The following CTNND1 variants were observed in gnomAD, a reference collection of about 807,000 sequenced individuals.
CTNND1 encodes the protein catenin delta 1.
In CTNND1, 16 loss-of-function variants were observed where a neutral mutation model predicts 112.1. That is an observed-to-expected ratio of 0.14 (90% CI 0.10 to 0.22). The LOEUF is 0.22. Ranked by LOEUF, CTNND1 falls within the 10% of genes least tolerant of loss-of-function variation. The pLI is 1.00. For synonymous variants in CTNND1, 420 were observed against 446.5 expected, an observed-to-expected ratio of 0.94 and a Z score of 0.75; for missense variants, 1,008 against 1,257.0, an observed-to-expected ratio of 0.80 and a Z score of 3.00.
Position 57,815,519 on chromosome 11 carries a change from C to T in CTNND1, c.2808+19C>T, listed in dbSNP as rs372765319. ...CTTGATGGTAAATTCTCTTTATATA[C>T]TGCTATCTGTCTAAGGCTAGTTCTA... is the stretch of plus-strand genomic sequence containing the variant. On this transcript the variant is annotated intron_variant, in intron 19 of 20. Transcript: ENST00000399050. The T allele has an allele frequency of 9.4e-5, 145 of 1,539,278 alleles. No homozygotes were observed. The highest frequency in any genetic ancestry group is 1.2e-4 in the Non-Finnish European group (135 of 1,113,214).
At chr11:57,803,144 G>A (rs2062207664) in intron 7 of CTNND1, among the ~76,000 whole-genome samples, 1 of 152,198 alleles carries the variant, frequency 6.6e-6, no homozygotes, top group Non-Finnish European at 1.5e-5. Flanking sequence ...GTCTCGCTCT[G>A]TCACCCAGGC....
Position 57,788,181 on chromosome 11 carries a change from G to C in CTNND1, c.-213-856G>C, listed in dbSNP as rs1352781168. 6.6e-6 allele frequency among the ~76,000 whole-genome samples: 1 copy of C among 152,148 alleles called. No homozygotes were observed. Among genetic ancestry groups the C allele is most frequent in the Non-Finnish European group, 1.5e-5 (1 of 68,030 alleles). Reference sequence around the variant, plus strand: ...AGGTCATTGTACATAGTGGATAAGGGCAAGTACTTAAGAAATGGAGATGAA... The same window carrying C: ...AGGTCATTGTACATAGTGGATAAGGCCAAGTACTTAAGAAATGGAGATGAA... On this transcript the variant is annotated intron_variant, in intron 1 of 20. Coordinates refer to ENST00000399050, the MANE Select transcript of CTNND1 (RefSeq NM_001085458.2). This position sits in a 1 kb window ranked among gnomAD's most constrained non-coding sequence, Gnocchi z 4.1.
chr11:57,811,881 C>G (rs564576872), intron 17 of CTNND1, among the ~76,000 whole-genome samples: 1 of 152,104 alleles, frequency 6.6e-6, no homozygotes, highest in Non-Finnish European at 1.5e-5. Flanking sequence ...GAGAAAACCA[C>G]TTGTATCTTT....
rs1371694496 is a variant in CTNND1, at chr11:57,788,538, C to T, written c.-213-499C>T. On this transcript the variant is annotated intron_variant, in intron 1 of 20. Coordinates refer to ENST00000399050, the MANE Select transcript of CTNND1 (RefSeq NM_001085458.2). The surrounding 1 kb of genome is among the most constrained non-coding windows in gnomAD (Gnocchi z 4.1). Reference sequence around the variant, plus strand: ...TTGTGCTTGGTGGGGCTCTGGGGAGCGTGGGAAAGGGAACTGAAGCAAAAG... The same window carrying T: ...TTGTGCTTGGTGGGGCTCTGGGGAGTGTGGGAAAGGGAACTGAAGCAAAAG... Among the ~76,000 whole-genome samples, 2 of 152,102 alleles carry T rather than the reference C, an allele frequency of 1.3e-5. No individual in the cohort carries two copies. The highest frequency in any genetic ancestry group is 3.9e-4 in the East Asian group (2 of 5,186).
Position 57,793,992 on chromosome 11 carries a change from T to C in CTNND1, c.196-18T>C, listed in dbSNP as rs2061060742. On this transcript the variant is annotated intron_variant, in intron 3 of 20. Coordinates refer to ENST00000399050, the MANE Select transcript of CTNND1 (RefSeq NM_001085458.2). ...GAAGGCCACAAAATGAATTGTCTTC[T>C]TGTGGGCTGTGTTTCAGAACGGCCG... 1 of 1,613,862 alleles carries C rather than the reference T, an allele frequency of 6.2e-7. No homozygotes were observed. The highest frequency in any genetic ancestry group is 8.5e-7 in the Non-Finnish European group (1 of 1,179,738).
Position 57,803,561 on chromosome 11 carries a change from C to A in CTNND1, c.1421-60C>A, listed in dbSNP as rs553999981. On this transcript the variant is annotated intron_variant, in intron 7 of 20. Coordinates refer to ENST00000399050, the MANE Select transcript of CTNND1 (RefSeq NM_001085458.2). ...GATACGATAGGGGGATTCTCTTTGA[C>A]GTTCTTCAGACATATTGTCTTGAAT... 1.7e-3 allele frequency: 2,224 copies of A among 1,321,384 alleles called. 3 individuals carry two copies. The highest frequency in any genetic ancestry group is 2.1e-3 in the Non-Finnish European group (2,049 of 957,530). The allele number at this position is 1,321,384 out of a possible 1,614,324, so 81.9% of individuals were successfully genotyped here. A position where few individuals can be genotyped will look rare whatever the true frequency, so the allele number is the denominator to read the frequency against.
At chr11:57,799,383 T>G (rs1380033188) in intron 6 of CTNND1, among the ~76,000 whole-genome samples, 1 of 152,220 alleles carries the variant, frequency 6.6e-6, no homozygotes, top group Non-Finnish European at 1.5e-5. Context: ...TCCCTAGTTG[T>G]GCTAGTTCAC....
intron 9 of CTNND1, among the ~76,000 whole-genome samples, chr11:57,805,526 A>G (rs1198584881): frequency 6.9e-6 from 1 of 144,248 alleles, no homozygotes; most frequent in Non-Finnish European, 1.5e-5. Context: ...TACAGGTGTG[A>G]GCCACTGTGC....
At chr11:57,774,761 T>A (rs1160090553) in intron 1 of CTNND1, among the ~76,000 whole-genome samples, 2 of 152,146 alleles carry the variant, frequency 1.3e-5, no homozygotes, top group African/African-American at 4.8e-5. Context: ...TTGCCTAGGC[T>A]GGAGTGCAGT....
rs2060721218 is a variant in CTNND1, at chr11:57,791,360, C to CTT, written c.-94-25_-94-24insTT. ...TTCTCTGACCTGTGACCTTTTCTCT[C>CTT]CTTTCTCTTACCCTTTCCCGGTAGT... is the stretch of plus-strand genomic sequence containing the variant. On this transcript the variant is annotated intron_variant, in intron 2 of 20. Transcript: ENST00000399050. 4.5e-6 allele frequency: 6 copies of CTT among 1,343,058 alleles called. No individual in the cohort carries two copies. In the East Asian group the frequency reaches 1.8e-4, roughly 41 times the overall value. 83.2% of individuals were successfully genotyped at this position (1,343,058 alleles called of 1,614,324 possible). A position where few individuals can be genotyped will look rare whatever the true frequency, so the allele number is the denominator to read the frequency against.
At chr11:57,809,209 T>G (rs560959470) in intron 14 of CTNND1, 65 bp from the exon 15 acceptor site, 2 of 1,163,868 alleles carry the variant, frequency 1.7e-6, no homozygotes, top group Admixed American at 3.8e-5. Flanking sequence ...TGCAGTTAAG[T>G]ATAATGTAAG....
chr11:57,762,326 C>G (rs1162352000), intron 1 of CTNND1, among the ~76,000 whole-genome samples: 1 of 152,030 alleles, frequency 6.6e-6, no homozygotes, highest in African/African-American at 2.4e-5. Flanking sequence ...GGGGTAAGAG[C>G]AGGTTTGAAA....
intron 15 of CTNND1, 75 bp from the exon 16 acceptor site, chr11:57,810,034 A>T: frequency 9.2e-7 from 1 of 1,085,136 alleles, no homozygotes. Flanking sequence ...TTCTTATGTT[A>T]TTAGAGGATA....
At chr11:57,804,541 T>C in intron 8 of CTNND1, 122 bp from the exon 9 acceptor site, 1 of 703,960 alleles carries the variant, frequency 1.4e-6, no homozygotes, top group South Asian at 1.9e-5. Context: ...ACCTTGCTTA[T>C]AATAGGTATT....
intron 3 of CTNND1, among the ~76,000 whole-genome samples, chr11:57,792,823 G>C (rs1364818589): frequency 7.6e-6 from 1 of 131,014 alleles, no homozygotes; most frequent in Non-Finnish European, 1.6e-5. Context: ...TACTGCACCC[G>C]GCTGAGTGAT....
intron 15 of CTNND1, among the ~76,000 whole-genome samples, chr11:57,809,839 A>G (rs899933566): frequency 5.3e-5 from 8 of 152,068 alleles, no homozygotes; most frequent in African/African-American, 1.9e-4. Flanking sequence ...CCTCCTGAGT[A>G]GCTGGGACTA....
chr11:57,801,641 A>C, intron 6 of CTNND1, 92 bp from the exon 7 acceptor site: 1 of 1,022,866 alleles, frequency 9.8e-7, no homozygotes. Context: ...AACTCCAGTT[A>C]ATCCTCCTTT....
rs766496020 is a variant in CTNND1, at chr11:57,791,506, G to C, written c.28G>C (p.Ala10Pro). 117 of 1,572,894 alleles carry C rather than the reference G, an allele frequency of 7.4e-5. No homozygotes were observed. In the Admixed American group the frequency reaches 2.2e-3, roughly 29 times the overall value. Residue 10 changes from alanine to proline, a missense_variant, in exon 3 of 21, where the codon GCC becomes CCC. Coordinates refer to ENST00000399050, the MANE Select transcript of CTNND1 (RefSeq NM_001085458.2). ...GGACGACTCAGAGGTGGAGTCGACCGCCAGCATCTTGGCCTCTGTGAAGGA... is the reference window on the plus strand; with the variant it reads ...GGACGACTCAGAGGTGGAGTCGACCCCCAGCATCTTGGCCTCTGTGAAGGA... MDDSEVEST[A>P]SILASVKEQE...
intron 1 of CTNND1, among the ~76,000 whole-genome samples, chr11:57,764,292 C>G (rs146759283): frequency 4.6e-4 from 70 of 152,066 alleles, no homozygotes; most frequent in African/African-American, 1.5e-3. Context: ...TCTCAGGGTT[C>G]CAGCATGGAC....
Sources: allele counts gnomAD v4.1 joint callset (sites outside exome capture counted in the v4.1 genomes callset), GRCh38; gene constraint gnomAD v4.1.1; non-coding constraint Gnocchi (gnomAD v3.1); transcripts MANE v1.5; gene names NCBI Gene and HGNC (gene_info 2026-07-23, HGNC 2026-07-21).